Variants in NR3C2 observed in about 807,000 individuals in gnomAD.
The protein encoded by NR3C2 is nuclear receptor subfamily 3 group C member 2.
Under a neutral mutation model 86.4 loss-of-function variants are expected in NR3C2, and 15 were observed. The observed-to-expected ratio is 0.17, with a 90% CI of 0.12 to 0.27. The LOEUF (loss-of-function observed/expected upper bound fraction) is 0.27. Among genes scored for constraint, NR3C2 ranks in the 10% least tolerant of loss-of-function variants. NR3C2 has a pLI of 1.00. For missense variants in NR3C2, 960 were observed against 1,195.6 expected (o/e 0.80, Z 2.91); for synonymous variants, 458 against 450.5 (o/e 1.02, Z -0.21).
At chr4:148,130,958 G>T (rs2149742700) in intron 6 of NR3C2, among the ~76,000 whole-genome samples, 1 of 151,400 alleles carries the variant, frequency 6.6e-6, no homozygotes, top group South Asian at 2.1e-4. Context: ...CGAGTAGCCG[G>T]GACCTGGGAC....
chr4:148,270,839 C>T (rs1455914634), intron 2 of NR3C2, among the ~76,000 whole-genome samples: 3 of 152,118 alleles, frequency 2.0e-5, no homozygotes, highest in African/African-American at 7.2e-5. Flanking sequence ...ATTCCAAAAA[C>T]GGTTTCCTAT....
chr4:148,204,085 C>T (rs775406386), intron 3 of NR3C2, among the ~76,000 whole-genome samples: 3 of 151,828 alleles, frequency 2.0e-5, no homozygotes, highest in East Asian at 1.9e-4. Flanking sequence ...GAAAGGTGTT[C>T]GTTTTTCATT....
chr4:148,401,537 C>T (rs1362205025), intron 2 of NR3C2, among the ~76,000 whole-genome samples: 1 of 146,532 alleles, frequency 6.8e-6, no homozygotes, highest in Non-Finnish European at 1.5e-5. Flanking sequence ...AATCTAGGCT[C>T]ACTGCAAGCT....
At chr4:148,201,300 G>A (rs1475009167) in intron 3 of NR3C2, among the ~76,000 whole-genome samples, 2 of 152,170 alleles carry the variant, frequency 1.3e-5, no homozygotes, top group Admixed American at 6.6e-5. Context: ...AGATGGGCAG[G>A]CCAGAGCTCA....
chr4:148,322,348 T>C (rs1743655057), intron 2 of NR3C2, among the ~76,000 whole-genome samples: 1 of 143,098 alleles, frequency 7.0e-6, no homozygotes, highest in Admixed American at 7.1e-5. Flanking sequence ...AATCTGACAA[T>C]CATGTGTCTT....
intron 2 of NR3C2, among the ~76,000 whole-genome samples, chr4:148,422,661 G>T (rs921006102): frequency 6.6e-6 from 1 of 152,094 alleles, no homozygotes; most frequent in African/African-American, 2.4e-5. Flanking sequence ...CCTAGATCTT[G>T]TATGCATATC....
intron 3 of NR3C2, among the ~76,000 whole-genome samples, chr4:148,221,907 A>G (rs1350527454): frequency 1.3e-5 from 2 of 151,378 alleles, no homozygotes; most frequent in Non-Finnish European, 2.9e-5. Flanking sequence ...AAAAAAAAAA[A>G]AAAAAGAAAA....
chr4:148,350,404 A>ATCT, intron 2 of NR3C2, among the ~76,000 whole-genome samples: 1 of 152,206 alleles, frequency 6.6e-6, no homozygotes, highest in Non-Finnish European at 1.5e-5. Flanking sequence ...TTGGATAGAA[A>ATCT]AGACAAACTA....
intron 8 of NR3C2, among the ~76,000 whole-genome samples, chr4:148,085,500 G>T (rs1376253045): frequency 6.6e-6 from 1 of 152,230 alleles, no homozygotes; most frequent in African/African-American, 2.4e-5. Flanking sequence ...GCAGTGTTCA[G>T]ACGGAAATTT....
chr4:148,199,276 G>GT (rs1216910179), intron 3 of NR3C2, among the ~76,000 whole-genome samples: 7 of 151,918 alleles, frequency 4.6e-5, no homozygotes, highest in African/African-American at 1.2e-4. Flanking sequence ...TAAGTCTTTA[G>GT]TTTTTTTCTA....
intron 4 of NR3C2, among the ~76,000 whole-genome samples, chr4:148,155,822 G>T (rs1296115111): frequency 6.6e-6 from 1 of 152,048 alleles, no homozygotes; most frequent in Non-Finnish European, 1.5e-5. Context: ...TAAGCCAAAA[G>T]AACAAAGCTG....
chr4:148,224,149 A>C (rs1430611763), intron 3 of NR3C2, among the ~76,000 whole-genome samples: 1 of 149,586 alleles, frequency 6.7e-6, no homozygotes, highest in African/African-American at 2.4e-5. Flanking sequence ...AAAAAAAAAA[A>C]CAGAGGAAAA....
rs77899373 is a variant in NR3C2 at position 148,142,890 on chromosome 4, C to T, written c.2510+9579G>A. 2.3e-3 allele frequency among the ~76,000 whole-genome samples: 351 copies of T among 152,250 alleles called. 3 individuals carry two copies. Among genetic ancestry groups the T allele is most frequent in the African/African-American group, 8.2e-3 (342 of 41,546 alleles). On this transcript the variant is annotated intron_variant, in intron 6 of 8. Transcript: ENST00000358102. ...ACAGTGCTCATTTAAAAGTGTGTGG[C>T]GCATCCCCCTCCCCACCATCTCTCT...
rs113984211 is a variant in NR3C2 at position 148,125,760 on chromosome 4, T to C, written c.2511-5472A>G. 1.2e-3 allele frequency among the ~76,000 whole-genome samples: 179 copies of C among 152,236 alleles called. 1 individual carries two copies. The highest frequency in any genetic ancestry group is 4.1e-3 in the African/African-American group (172 of 41,538). Reference sequence around the variant, plus strand: ...GCTATGTGTCAATCTTTGCTAAGCATTTCTCATGAATGAATGATAGAGAGA... The same window carrying C: ...GCTATGTGTCAATCTTTGCTAAGCACTTCTCATGAATGAATGATAGAGAGA... On this transcript the variant is annotated intron_variant, in intron 6 of 8. Coordinates refer to ENST00000358102, the MANE Select transcript of NR3C2 (RefSeq NM_000901.5).
At chr4:148,214,373 T>TTA (rs1560981632) in intron 3 of NR3C2, among the ~76,000 whole-genome samples, 4 of 151,522 alleles carry the variant, frequency 2.6e-5, no homozygotes, top group African/African-American at 9.7e-5. Flanking sequence ...TTTTTTTTTT[T>TTA]AAAAAGGAAA....
upstream of NR3C2, among the ~76,000 whole-genome samples, chr4:148,443,737 G>A (rs547179782): frequency 6.6e-6 from 1 of 151,802 alleles, no homozygotes; most frequent in Admixed American, 6.6e-5. Flanking sequence ...GGCGGCAGCT[G>A]TGCGGCCTCC....
At chr4:148,098,454 C>G (rs867965338) in intron 8 of NR3C2, among the ~76,000 whole-genome samples, 1 of 150,684 alleles carries the variant, frequency 6.6e-6, no homozygotes. Context: ...GTAGACTCAC[C>G]AACAAAATGC....
chr4:148,294,080 C>G (rs974440032), intron 2 of NR3C2, among the ~76,000 whole-genome samples: 1 of 152,168 alleles, frequency 6.6e-6, no homozygotes, highest in African/African-American at 2.4e-5. Flanking sequence ...AAACAGTGAT[C>G]CTGAGAAATT....
intron 2 of NR3C2, among the ~76,000 whole-genome samples, chr4:148,291,375 A>C (rs72655282): frequency 1.5e-4 from 23 of 152,186 alleles, no homozygotes; most frequent in African/African-American, 5.3e-4. Flanking sequence ...ATTTCCAAAA[A>C]TGTCTCTGTA....
Sources: gnomAD v4.1 joint callset for allele counts (sites outside exome capture counted in the v4.1 genomes callset) on GRCh38, gnomAD v4.1.1 for gene constraint, MANE v1.5 for transcripts, NCBI Gene and HGNC (gene_info 2026-07-23, HGNC 2026-07-21) for gene names.